The following VPS13B variants were observed in gnomAD, a reference collection of about 807,000 sequenced individuals.
The protein encoded by VPS13B is intermembrane lipid transfer protein VPS13B.
Under a neutral mutation model 426.4 loss-of-function variants are expected in VPS13B, and 285 were observed. The observed-to-expected ratio is 0.67, with a 90% CI of 0.61 to 0.74. The LOEUF is 0.74. VPS13B is among the 30% of genes least tolerant of loss of function. The pLI is 0.00. For synonymous variants in VPS13B, 1,676 were observed against 1,676.4 expected, an observed-to-expected ratio of 1.00 and a Z score of 0.01; for missense variants, 4,537 against 4,782.6, an observed-to-expected ratio of 0.95 and a Z score of 1.51.
chr8:99,155,748 A>G (rs373297500), intron 14 of VPS13B, among the ~76,000 whole-genome samples: 13 of 152,304 alleles, frequency 8.5e-5, no homozygotes, highest in East Asian at 3.9e-4. Context: ...AATACCCGCT[A>G]AAGGCCAATA....
intron 21 of VPS13B, among the ~76,000 whole-genome samples, chr8:99,423,980 C>G (rs530029184): frequency 6.6e-6 from 1 of 152,062 alleles, no homozygotes; most frequent in Non-Finnish European, 1.5e-5. Context: ...CTTTCTGTCT[C>G]GTTGATCTGT....
chr8:99,577,120 A>T (rs1281090351), intron 32 of VPS13B, among the ~76,000 whole-genome samples: 1 of 152,134 alleles, frequency 6.6e-6, no homozygotes, highest in Non-Finnish European at 1.5e-5. Flanking sequence ...ATGCTCAGTA[A>T]ATATTAGTTG....
At chr8:99,312,661 C>T (rs1348089047) in intron 19 of VPS13B, among the ~76,000 whole-genome samples, 2 of 152,130 alleles carry the variant, frequency 1.3e-5, no homozygotes, top group African/African-American at 4.8e-5. Flanking sequence ...AGTTGCTCCT[C>T]TTGAGGAGTA....
intron 43 of VPS13B, among the ~76,000 whole-genome samples, chr8:99,807,950 A>G (rs1387462890): frequency 6.6e-6 from 1 of 151,874 alleles, no homozygotes; most frequent in Non-Finnish European, 1.5e-5. Flanking sequence ...TTTAAATTTA[A>G]GCATGTTATC....
intron 30 of VPS13B, among the ~76,000 whole-genome samples, chr8:99,533,140 T>C (rs546093260): frequency 7.9e-5 from 12 of 152,124 alleles, no homozygotes; most frequent in African/African-American, 2.6e-4. Context: ...GGTTTTACCA[T>C]GTTGGCCAAG....
chr8:99,549,772 G>A (rs748385279), intron 30 of VPS13B, among the ~76,000 whole-genome samples: 5 of 152,006 alleles, frequency 3.3e-5, no homozygotes, highest in Admixed American at 6.6e-5. Flanking sequence ...CTCCAGGCCC[G>A]CTGTTCAGAG....
chr8:99,036,472 A>G (rs1348140734), intron 2 of VPS13B, among the ~76,000 whole-genome samples: 1 of 152,174 alleles, frequency 6.6e-6, no homozygotes, highest in African/African-American at 2.4e-5. Flanking sequence ...TGTTATAACA[A>G]TCATCATTTG....
intron 27 of VPS13B, among the ~76,000 whole-genome samples, chr8:99,505,814 A>ATATT: frequency 6.6e-6 from 1 of 152,190 alleles, no homozygotes; most frequent in Non-Finnish European, 1.5e-5. Flanking sequence ...TGCACTATGC[A>ATATT]ATAAAGCAAA....
intron 19 of VPS13B, among the ~76,000 whole-genome samples, chr8:99,284,725 T>TGA (rs1819342814): frequency 1.5e-5 from 1 of 66,232 alleles, no homozygotes; most frequent in East Asian, 2.9e-4. Flanking sequence ...TAAATTTGTG[T>TGA]GTGTGTGTGT....
intron 4 of VPS13B, among the ~76,000 whole-genome samples, chr8:99,102,132 G>T (rs1042694652): frequency 8.5e-5 from 13 of 152,086 alleles, no homozygotes; most frequent in African/African-American, 1.7e-4. Context: ...GAAATTAAAA[G>T]AAAAATTTTG....
intron 58 of VPS13B, 136 bp from the exon 59 acceptor site, chr8:99,868,153 C>A: frequency 9.6e-7 from 1 of 1,037,124 alleles, no homozygotes; most frequent in Non-Finnish European, 1.4e-6. Flanking sequence ...AACTGGTAAA[C>A]AAATGGGTAG....
At chr8:99,276,091 G>A (rs1818881373) in intron 19 of VPS13B, among the ~76,000 whole-genome samples, 1 of 152,162 alleles carries the variant, frequency 6.6e-6, no homozygotes, top group African/African-American at 2.4e-5. Flanking sequence ...GCACTAGTAT[G>A]TTCAAGTGGA....
chr8:99,478,442 G>GTTTTT (rs1819818315), intron 24 of VPS13B, among the ~76,000 whole-genome samples: 1 of 43,518 alleles, frequency 2.3e-5, no homozygotes, highest in African/African-American at 8.4e-5. Flanking sequence ...TTGTTTTTTT[G>GTTTTT]TTTTGTTTTT....
chr8:99,196,467 G>GT (rs527809837), intron 17 of VPS13B, among the ~76,000 whole-genome samples: 1,603 of 127,156 alleles, frequency 0.013, 20 homozygotes, highest in African/African-American at 0.026. Flanking sequence ...GTCTTTAGGG[G>GT]TTTTTTTTTT....
chr8:99,044,249 AATTTTTTGT>A (rs1843104368), intron 3 of VPS13B, among the ~76,000 whole-genome samples: 1 of 151,038 alleles, frequency 6.6e-6, no homozygotes, highest in Non-Finnish European at 1.5e-5. Flanking sequence ...TCAACCAGCT[AATTTTTTGT>A]ATTTTTAGTA....
At chr8:99,478,456 T>TTGTTTG (rs1283554186) in intron 24 of VPS13B, among the ~76,000 whole-genome samples, 19 of 131,918 alleles carry the variant, frequency 1.4e-4, no homozygotes, top group East Asian at 5.0e-4. Context: ...TGTTTTTTTT[T>TTGTTTG]TTTTTTTTTG....
chr8:99,042,059 G>C (rs890376893), intron 3 of VPS13B, among the ~76,000 whole-genome samples: 1 of 151,438 alleles, frequency 6.6e-6, no homozygotes, highest in Non-Finnish European at 1.5e-5. Flanking sequence ...AGAATTGCTT[G>C]AACCCAGGAG....
At chr8:99,166,536 A>C (rs953896123) in intron 15 of VPS13B, among the ~76,000 whole-genome samples, 1 of 152,224 alleles carries the variant, frequency 6.6e-6, no homozygotes, top group Non-Finnish European at 1.5e-5. Flanking sequence ...GAAGTGAAAG[A>C]CTTTTGCAAT....
chr8:99,586,711 A>G lies in VPS13B; in HGVS notation c.5220+9078A>G, dbSNP rs376972248. Among the ~76,000 whole-genome samples the G allele has an allele frequency of 2.0e-5, 3 of 152,296 alleles. No homozygotes were observed. The South Asian group carries it at 6.2e-4, about 32-fold the overall frequency. On this transcript the variant is annotated intron_variant, in intron 33 of 61. Transcript: ENST00000357162. ...TTTACAACAAATGAAGAAACAGTCT[A>G]TGCTCATGGATGGGAAGAATCAATA...
Sources: allele counts gnomAD v4.1 joint callset (sites outside exome capture counted in the v4.1 genomes callset), GRCh38; gene constraint gnomAD v4.1.1; transcripts MANE v1.5; gene names NCBI Gene and HGNC (gene_info 2026-07-23, HGNC 2026-07-21).